KCNH8: variants seen among roughly 807,000 people sequenced by gnomAD.
KCNH8 encodes potassium voltage-gated channel subfamily H member 8, also known as voltage-gated delayed rectifier potassium channel KCNH8.
In KCNH8, 70 loss-of-function variants were observed where a neutral mutation model predicts 103.6. The observed-to-expected ratio is 0.68, with a 90% CI of 0.56 to 0.82. KCNH8 has a LOEUF of 0.82. Ranked by LOEUF, KCNH8 falls within the 40% of genes least tolerant of loss-of-function variation. The probability of loss-of-function intolerance (pLI) is 0.00; values close to 1 mark genes in which losing one functional copy is unlikely to be tolerated. For missense variants in KCNH8, 1,217 were observed against 1,329.9 expected, an observed-to-expected ratio of 0.92 and a Z score of 1.32; for synonymous variants, 498 against 489.4, an observed-to-expected ratio of 1.02 and a Z score of -0.23.
intron 1 of KCNH8, among the ~76,000 whole-genome samples, chr3:19,160,105 G>A (rs2063219548): frequency 6.6e-6 from 1 of 152,026 alleles, no homozygotes; most frequent in Non-Finnish European, 1.5e-5. Context: ...TTTGTCATGG[G>A]TGCCCACATT....
chr3:19,479,769 T>A lies in KCNH8; in HGVS notation c.2040+22787T>A, dbSNP rs191341599. Among the ~76,000 whole-genome samples the A allele has an allele frequency of 1.8e-3, 267 of 152,284 alleles. 8 individuals carry two copies. The South Asian group carries it at 0.048, about 27-fold the overall frequency. Reference sequence around the variant, plus strand: ...CATTTTAACTATGAGAGTCGTGGGTTTATTTGTGAGTACGCTTCATTCATA... The same window carrying A: ...CATTTTAACTATGAGAGTCGTGGGTATATTTGTGAGTACGCTTCATTCATA... On this transcript the variant is annotated intron_variant, in intron 11 of 15. Transcript: ENST00000328405.
rs570329322 is a variant in KCNH8 at position 19,480,311 on chromosome 3, A to G, written c.2040+23329A>G. 5.3e-5 allele frequency among the ~76,000 whole-genome samples: 8 copies of G among 152,312 alleles called. No individual in the cohort carries two copies. The South Asian group carries it at 1.5e-3, about 28-fold the overall frequency. On this transcript the variant is annotated intron_variant, in intron 11 of 15. Transcript: ENST00000328405. Reference sequence around the variant, plus strand: ...GCTTCCTTCTGCCTCAACAGGACTGAAAAACCACTCAAAATCCTTCCAAAG... The same window carrying G: ...GCTTCCTTCTGCCTCAACAGGACTGGAAAACCACTCAAAATCCTTCCAAAG...
Position 19,451,310 on chromosome 3 carries a change from T to C in KCNH8, c.1731T>C (p.Tyr577=), listed in dbSNP as rs766526500. 1.2e-6 allele frequency: 2 copies of C among 1,613,954 alleles called. No individual in the cohort carries two copies. Among genetic ancestry groups the C allele is most frequent in the South Asian group, 2.2e-5 (2 of 91,080 alleles). Residue 577 remains tyrosine (Y), a synonymous_variant, in exon 10 of 16, where the codon TAT becomes TAC. Transcript: ENST00000328405. ...CCTCTTTCTGTGCTCCGGGGGAGTATCTGCTGCGTCAAGGGGATGCTTTGC... is the reference window on the plus strand; with the variant it reads ...CCTCTTTCTGTGCTCCGGGGGAGTACCTGCTGCGTCAAGGGGATGCTTTGC... The part of the protein sequence containing the change: ...IKTSFCAPGE[Y]LLRQGDALQA...
chr3:19,488,304 T>A, intron 11 of KCNH8, among the ~76,000 whole-genome samples: 1 of 152,258 alleles, frequency 6.6e-6, no homozygotes, highest in African/African-American at 2.4e-5. Flanking sequence ...ATTCCCTTAA[T>A]GGCCGCGGCC....
intron 2 of KCNH8, among the ~76,000 whole-genome samples, chr3:19,279,582 A>T (rs982254381): frequency 4.6e-5 from 7 of 152,028 alleles, no homozygotes; most frequent in East Asian, 1.9e-4. Flanking sequence ...AAAAAAAAAA[A>T]AATAAGGAGG....
At chr3:19,325,278 G>A (rs1203747678) in intron 3 of KCNH8, among the ~76,000 whole-genome samples, 6 of 152,062 alleles carry the variant, frequency 3.9e-5, no homozygotes, top group Non-Finnish European at 8.8e-5. Flanking sequence ...ACCATTTAGG[G>A]CATAGGCATG....
At chr3:19,238,284 G>T (rs528754969) in intron 1 of KCNH8, among the ~76,000 whole-genome samples, 48 of 152,308 alleles carry the variant, frequency 3.2e-4, no homozygotes, top group Non-Finnish European at 3.2e-4. Flanking sequence ...ATGTCCATCA[G>T]TGGGCTCTGC....
intron 3 of KCNH8, among the ~76,000 whole-genome samples, chr3:19,331,842 T>A (rs1430007846): frequency 6.6e-6 from 1 of 152,144 alleles, no homozygotes; most frequent in East Asian, 1.9e-4. Flanking sequence ...TCCTATTTAT[T>A]CTATCTAACT....
intron 3 of KCNH8, among the ~76,000 whole-genome samples, chr3:19,292,788 A>G (rs766959495): frequency 8.5e-5 from 13 of 152,140 alleles, no homozygotes; most frequent in African/African-American, 1.2e-4. Flanking sequence ...GGTGCAGACA[A>G]TAAAAAGAGT....
At chr3:19,214,530 G>T (rs2063800756) in intron 1 of KCNH8, among the ~76,000 whole-genome samples, 1 of 152,182 alleles carries the variant, frequency 6.6e-6, no homozygotes, top group South Asian at 2.1e-4. Flanking sequence ...GGACAATTCT[G>T]TGGGTACACT....
intron 1 of KCNH8, among the ~76,000 whole-genome samples, chr3:19,193,993 G>T (rs960239381): frequency 3.3e-5 from 5 of 151,710 alleles, no homozygotes; most frequent in Admixed American, 6.6e-5. Context: ...TTGATAAGGT[G>T]TAGAACCGAG....
intron 7 of KCNH8, among the ~76,000 whole-genome samples, chr3:19,426,651 C>T (rs983564681): frequency 2.0e-5 from 3 of 151,552 alleles, no homozygotes; most frequent in East Asian, 1.9e-4. Flanking sequence ...AGTGGATAGC[C>T]GCTGAGTTTG....
chr3:19,511,907 C>T (rs964645174), intron 12 of KCNH8, among the ~76,000 whole-genome samples: 4 of 152,020 alleles, frequency 2.6e-5, no homozygotes, highest in Non-Finnish European at 5.9e-5. Context: ...GTAATATATA[C>T]ACCATATACA....
At chr3:19,385,450 A>C (rs1352685456) in intron 5 of KCNH8, among the ~76,000 whole-genome samples, 1 of 152,186 alleles carries the variant, frequency 6.6e-6, no homozygotes, top group Non-Finnish European at 1.5e-5. Flanking sequence ...CAATACCAGC[A>C]TCAACTATGC....
At chr3:19,193,006 T>C (rs1399259973) in intron 1 of KCNH8, among the ~76,000 whole-genome samples, 1 of 151,644 alleles carries the variant, frequency 6.6e-6, no homozygotes, top group Admixed American at 6.6e-5. Flanking sequence ...CATTTTTACA[T>C]AAATTTTTAG....
In KCNH8 at chr3:19,376,838, A is replaced by T. The variant is rs547611260; in HGVS notation, c.812-13643A>T. The stretch of plus-strand genomic sequence containing the variant: ...AGTTTGGGATACTAAACAAGAAGCA[A>T]CTCTCATTCCCCTTTTTGGGAGACC... On this transcript the variant is annotated intron_variant, in intron 5 of 15. Coordinates refer to ENST00000328405, the MANE Select transcript of KCNH8 (RefSeq NM_144633.3). 1.7e-3 allele frequency among the ~76,000 whole-genome samples: 253 copies of T among 152,270 alleles called. 1 individual carries two copies. Among genetic ancestry groups the T allele is most frequent in the Middle Eastern group, 0.014 (4 of 294 alleles).
At chr3:19,274,871 C>T (rs1187030188) in intron 2 of KCNH8, among the ~76,000 whole-genome samples, 1 of 90,126 alleles carries the variant, frequency 1.1e-5, no homozygotes, top group Non-Finnish European at 2.1e-5. Flanking sequence ...CACCCCTCCC[C>T]TCCCCACCCC....
At position 19,476,130 on chromosome 3, in the gene KCNH8, A is replaced by G. The variant is rs142078978; in HGVS notation, c.2040+19148A>G. Among the ~76,000 whole-genome samples the G allele has an allele frequency of 1.6e-4, 25 of 152,268 alleles. No individual in the cohort carries two copies. In the East Asian group the frequency reaches 4.8e-3, roughly 29 times the overall value. On this transcript the variant is annotated intron_variant, in intron 11 of 15. Coordinates refer to ENST00000328405, the MANE Select transcript of KCNH8 (RefSeq NM_144633.3). The stretch of plus-strand genomic sequence containing the variant: ...AATTATGCATTTAGTCATGTGGAGG[A>G]TGCATATCACCCCACTATCATGACC...
intron 1 of KCNH8, among the ~76,000 whole-genome samples, chr3:19,209,792 A>G (rs979834552): frequency 2.0e-5 from 3 of 152,104 alleles, no homozygotes; most frequent in African/African-American, 7.2e-5. Context: ...AAGAGAATTC[A>G]GACAGGATTC....
Sources: allele counts gnomAD v4.1 joint callset (sites outside exome capture counted in the v4.1 genomes callset), GRCh38; gene constraint gnomAD v4.1.1; transcripts MANE v1.5; gene names NCBI Gene and HGNC (gene_info 2026-07-23, HGNC 2026-07-21).